Variants in NCOR1 observed in about 807,000 individuals in gnomAD.
The protein encoded by NCOR1 is protein phosphatase 1, regulatory subunit 109.
NCOR1 carries 63 observed loss-of-function variants against 288.1 expected under a neutral mutation model. That is an observed-to-expected ratio of 0.22 (90% CI 0.18 to 0.27). NCOR1 has a LOEUF of 0.27. Among genes scored for constraint, NCOR1 ranks in the 10% least tolerant of loss-of-function variants. The pLI is 1.00. For synonymous variants in NCOR1, 1,007 were observed against 1,065.9 expected, an observed-to-expected ratio of 0.94 and a Z score of 1.08; for missense variants, 2,397 against 3,019.2, an observed-to-expected ratio of 0.79 and a Z score of 4.83.
rs1026405899 is a variant in NCOR1, at chr17:16,096,236, T to C, written c.2820+2131A>G. On this transcript the variant is annotated intron_variant, in intron 21 of 45. Transcript: ENST00000268712. ...TGTTCACTTGTTTGTCTGCTGACCTTCCCTCCGCTGTTGTCCTATGACCCT... is the reference window on the plus strand; with the variant it reads ...TGTTCACTTGTTTGTCTGCTGACCTCCCCTCCGCTGTTGTCCTATGACCCT... 2.0e-5 allele frequency among the ~76,000 whole-genome samples: 3 copies of C among 151,908 alleles called. No individual in the cohort carries two copies. In the East Asian group the frequency reaches 5.8e-4, roughly 29 times the overall value.
intron 42 of NCOR1, chr17:16,040,704 A>T (rs1394547758): frequency 1.7e-6 from 1 of 585,082 alleles, no homozygotes; most frequent in African/African-American, 1.9e-5. Context: ...TTTAAAGGGA[A>T]ATCAGGAAAT....
chr17:16,058,274 A>G, intron 38 of NCOR1, 197 bp downstream of exon 38: 1 of 904,632 alleles, frequency 1.1e-6, no homozygotes, highest in Non-Finnish European at 1.6e-6. Flanking sequence ...AAGTAAGCAA[A>G]CAAAATTAAT....
rs76480028 is a variant in NCOR1 at position 16,103,490 on chromosome 17, A to G, written c.2183-1733T>C. ...AGTGGACCCCCATTACTATTAGGATAAAGTCCCAAAATTGCTGGTATGATC... is the reference window on the plus strand; with the variant it reads ...AGTGGACCCCCATTACTATTAGGATGAAGTCCCAAAATTGCTGGTATGATC... On this transcript the variant is annotated intron_variant, in intron 19 of 45. Transcript: ENST00000268712. Among the ~76,000 whole-genome samples the G allele has an allele frequency of 9.5e-3, 1,444 of 152,324 alleles. 28 individuals carry two copies. Among genetic ancestry groups the G allele is most frequent in the African/African-American group, 0.033 (1,354 of 41,562 alleles).
At chr17:16,185,984 AAGTAAAAGAAAGC>A (rs2086602070) in intron 3 of NCOR1, among the ~76,000 whole-genome samples, 1 of 152,146 alleles carries the variant, frequency 6.6e-6, no homozygotes, top group African/African-American at 2.4e-5. Flanking sequence ...AATGAGAATG[AAGTAAAAGAAAGC>A]AGAGATGGTA....
At chr17:16,200,421 T>C (rs1392969596) in intron 1 of NCOR1, among the ~76,000 whole-genome samples, 1 of 139,456 alleles carries the variant, frequency 7.2e-6, no homozygotes, top group Non-Finnish European at 1.5e-5. Flanking sequence ...CGCTTGAATC[T>C]GGGAAGCGGA....
chr17:16,199,216 AACACAC>A (rs148297225), intron 1 of NCOR1, among the ~76,000 whole-genome samples: 6 of 122,320 alleles, frequency 4.9e-5, no homozygotes, highest in Admixed American at 2.6e-4. Flanking sequence ...AAAAAAAAAA[AACACAC>A]ACACACACAC....
intron 8 of NCOR1, chr17:16,151,522 T>C: frequency 4.5e-6 from 5 of 1,118,978 alleles, no homozygotes; most frequent in Non-Finnish European, 6.1e-6. Context: ...TACTTTGCAA[T>C]GGCAGATGTG....
chr17:16,128,424 G>T (rs2075087649), intron 14 of NCOR1, among the ~76,000 whole-genome samples: 1 of 152,246 alleles, frequency 6.6e-6, no homozygotes, highest in East Asian at 1.9e-4. Context: ...GTGGCTTAGT[G>T]CCTGCTTATC....
chr17:16,072,283 C>T, intron 28 of NCOR1, 55 bp from the exon 29 acceptor site: 1 of 1,302,684 alleles, frequency 7.7e-7, no homozygotes, highest in South Asian at 1.3e-5. Flanking sequence ...TGTCAACTCA[C>T]ATATACTGAA....
At chr17:16,059,709 C>A (rs2060338999) in intron 37 of NCOR1, among the ~76,000 whole-genome samples, 1 of 152,158 alleles carries the variant, frequency 6.6e-6, no homozygotes, top group African/African-American at 2.4e-5. Flanking sequence ...TCTGAGAGCA[C>A]TGTCAGAGCT....
chr17:16,063,334 G>A (rs950160918), intron 35 of NCOR1, among the ~76,000 whole-genome samples: 1 of 151,696 alleles, frequency 6.6e-6, no homozygotes, highest in Admixed American at 6.6e-5. Context: ...TGCACACCAC[G>A]GCTGCTGGCT....
At chr17:16,206,890 T>C (rs911404643) in intron 1 of NCOR1, among the ~76,000 whole-genome samples, 3 of 152,236 alleles carry the variant, frequency 2.0e-5, no homozygotes, top group Admixed American at 1.3e-4. Flanking sequence ...ATCCAAGAAG[T>C]GGTTCTTTCA....
At position 16,111,226 on chromosome 17, in the gene NCOR1, G is replaced by A. The variant is rs190688661; in HGVS notation, c.2056-2314C>T. 9.2e-5 allele frequency among the ~76,000 whole-genome samples: 14 copies of A among 152,206 alleles called. No homozygotes were observed. The East Asian group carries it at 2.5e-3, about 27-fold the overall frequency. On this transcript the variant is annotated intron_variant, in intron 18 of 45. Coordinates refer to ENST00000268712, the MANE Select transcript of NCOR1 (RefSeq NM_006311.4). Reference sequence around the variant, plus strand: ...CTGTTCACATGCAATAATTCACTACGTTGCCAAGCATTTTCTTCAATATAT... The same window carrying A: ...CTGTTCACATGCAATAATTCACTACATTGCCAAGCATTTTCTTCAATATAT...
In NCOR1 at chr17:16,124,091, A is replaced by G. The variant is rs1472829880; in HGVS notation, c.1634+1991T>C. Among the ~76,000 whole-genome samples, 5 of 152,224 alleles carry G rather than the reference A, an allele frequency of 3.3e-5. No homozygotes were observed. In the East Asian group the frequency reaches 7.7e-4, roughly 23 times the overall value. ...CTAAAAGAAAAAAATATATTCCCTTAGAGGTATCTTCCTCAGGTATAAAAT... is the reference window on the plus strand; with the variant it reads ...CTAAAAGAAAAAAATATATTCCCTTGGAGGTATCTTCCTCAGGTATAAAAT... On this transcript the variant is annotated intron_variant, in intron 15 of 45. Coordinates refer to ENST00000268712, the MANE Select transcript of NCOR1 (RefSeq NM_006311.4).
At chr17:16,178,963 T>C (rs1048115125) in intron 3 of NCOR1, among the ~76,000 whole-genome samples, 3 of 26,530 alleles carry the variant, frequency 1.1e-4, no homozygotes, top group Admixed American at 3.0e-4. Context: ...AAAAAGTTAT[T>C]TTTTTTTTGT....
intron 5 of NCOR1, among the ~76,000 whole-genome samples, chr17:16,164,095 C>T (rs2081482846): frequency 6.6e-6 from 1 of 151,872 alleles, no homozygotes; most frequent in African/African-American, 2.4e-5. Flanking sequence ...TTTATGAATA[C>T]ATTAAAAGCA....
At chr17:16,121,304 C>G in intron 15 of NCOR1, 35 bp from the exon 16 acceptor site, 1 of 1,569,286 alleles carries the variant, frequency 6.4e-7, no homozygotes, top group Non-Finnish European at 8.7e-7. Context: ...TTGTGTGATT[C>G]CAAAGTATAC....
intron 22 of NCOR1, among the ~76,000 whole-genome samples, chr17:16,087,014 A>G (rs2064340410): frequency 6.6e-6 from 1 of 152,232 alleles, no homozygotes; most frequent in African/African-American, 2.4e-5. Flanking sequence ...AGTGAACTCA[A>G]CTAAATACAA....
chr17:16,081,041 T>C (rs1466749072), intron 23 of NCOR1, among the ~76,000 whole-genome samples: 1 of 151,930 alleles, frequency 6.6e-6, no homozygotes, highest in African/African-American at 2.4e-5. Context: ...GCTACTATTA[T>C]TAATATTCAT....
Sources: gnomAD v4.1 joint callset for allele counts (sites outside exome capture counted in the v4.1 genomes callset) on GRCh38, gnomAD v4.1.1 for gene constraint, MANE v1.5 for transcripts, NCBI Gene and HGNC (gene_info 2026-07-23, HGNC 2026-07-21) for gene names.